The following ZFHX3 variants were observed in gnomAD, a reference collection of about 807,000 sequenced individuals.
The protein encoded by ZFHX3 is zinc finger homeobox protein 3.
Under a neutral mutation model 279.1 loss-of-function variants are expected in ZFHX3, and 42 were observed. That is an observed-to-expected ratio of 0.15 (90% CI 0.12 to 0.19). The LOEUF is 0.19. Among genes scored for constraint, ZFHX3 ranks in the 10% least tolerant of loss-of-function variants. ZFHX3 has a pLI of 1.00. For synonymous variants in ZFHX3, 2,293 were observed against 1,957.8 expected (o/e 1.17, Z -4.52); for missense variants, 4,981 against 4,754.0 (o/e 1.05, Z -1.40).
intron 4 of ZFHX3, among the ~76,000 whole-genome samples, chr16:73,309,906 C>CTTT (rs57812149): frequency 0.27 from 29,842 of 111,924 alleles, 4,739 homozygotes; most frequent in Non-Finnish European, 0.34. Context: ...TTTTTCTTGC[C>CTTT]TTTTTTTTTT....
intron 3 of ZFHX3, among the ~76,000 whole-genome samples, chr16:72,926,257 C>T (rs1414752234): frequency 6.6e-6 from 1 of 152,124 alleles, no homozygotes; most frequent in Non-Finnish European, 1.5e-5. Flanking sequence ...CCATAGTAAC[C>T]AACTAAACAG....
At chr16:73,734,409 A>G (rs922434134) in intron 1 of ZFHX3, among the ~76,000 whole-genome samples, 19 of 152,244 alleles carry the variant, frequency 1.2e-4, no homozygotes, top group Non-Finnish European at 2.2e-4. Flanking sequence ...AAAATATTCA[A>G]AAGAATAATG....
At chr16:73,033,320 C>A (rs1056390010) in intron 1 of ZFHX3, among the ~76,000 whole-genome samples, 1 of 152,148 alleles carries the variant, frequency 6.6e-6, no homozygotes, top group Admixed American at 6.5e-5. Context: ...GGAGAAACTT[C>A]CCCTCCCTTC....
intron 2 of ZFHX3, among the ~76,000 whole-genome samples, chr16:73,581,452 A>G (rs1439583270): frequency 6.6e-6 from 1 of 151,726 alleles, no homozygotes. Flanking sequence ...CAGATTTGTC[A>G]TTTGCAGGAA....
At chr16:72,895,110 A>G (rs1348828768) in intron 3 of ZFHX3, among the ~76,000 whole-genome samples, 2 of 152,206 alleles carry the variant, frequency 1.3e-5, no homozygotes, top group Non-Finnish European at 2.9e-5. Flanking sequence ...CTACAACACG[A>G]GACACTGCAT....
At chr16:72,803,792 G>A (rs1356843194) in intron 7 of ZFHX3, among the ~76,000 whole-genome samples, 1 of 152,218 alleles carries the variant, frequency 6.6e-6, no homozygotes, top group Non-Finnish European at 1.5e-5. Flanking sequence ...GAAGTAATGA[G>A]AAGACAAAAG....
At chr16:73,345,138 A>C (rs2143268336) in intron 3 of ZFHX3, among the ~76,000 whole-genome samples, 1 of 152,296 alleles carries the variant, frequency 6.6e-6, no homozygotes, top group South Asian at 2.1e-4. Flanking sequence ...CCCTGGATTT[A>C]AATCTTTTTA....
At chr16:73,108,380 A>C (rs1165933037) in intron 7 of ZFHX3, among the ~76,000 whole-genome samples, 1 of 151,518 alleles carries the variant, frequency 6.6e-6, no homozygotes, top group Non-Finnish European at 1.5e-5. Context: ...GAGGAGGAGG[A>C]AGACGATGAA....
chr16:73,062,181 A>C (rs1417809774), upstream of ZFHX3: 1 of 152,210 alleles, frequency 6.6e-6, no homozygotes, highest in Non-Finnish European at 1.5e-5. Flanking sequence ...AGACATTTAC[A>C]TTAGGAGGGA....
At chr16:73,355,722 C>A (rs564745509) in intron 3 of ZFHX3, among the ~76,000 whole-genome samples, 1 of 152,216 alleles carries the variant, frequency 6.6e-6, no homozygotes, top group South Asian at 2.1e-4. Flanking sequence ...TTAATATCTG[C>A]GTGACCTTGG....
chr16:72,840,747 T>A (rs911696292), intron 4 of ZFHX3, among the ~76,000 whole-genome samples: 7 of 152,020 alleles, frequency 4.6e-5, no homozygotes, highest in African/African-American at 1.7e-4. Context: ...GAAATATGAG[T>A]TTACTCCCAC....
chr16:72,956,563 C>T (rs1280050391), intron 2 of ZFHX3, among the ~76,000 whole-genome samples: 1 of 152,166 alleles, frequency 6.6e-6, no homozygotes, highest in Non-Finnish European at 1.5e-5. Flanking sequence ...ACTCTTGGTC[C>T]TATTCTAGAT....
intron 5 of ZFHX3, among the ~76,000 whole-genome samples, chr16:73,185,545 T>C (rs1967891018): frequency 6.6e-6 from 1 of 152,112 alleles, no homozygotes; most frequent in Non-Finnish European, 1.5e-5. Context: ...TCCTTTTGTG[T>C]GGAATGGGCA....
At chr16:72,836,688 A>C (rs78971197) in intron 4 of ZFHX3, among the ~76,000 whole-genome samples, 5,100 of 152,166 alleles carry the variant, frequency 0.034, 613 homozygotes, top group East Asian at 0.28. Context: ...TGCCCATTCC[A>C]TCTTCTACTT....
At chr16:73,620,403 G>A (rs2052346830) in intron 2 of ZFHX3, among the ~76,000 whole-genome samples, 1 of 152,212 alleles carries the variant, frequency 6.6e-6, no homozygotes, top group Non-Finnish European at 1.5e-5. Context: ...TTTCCACCAG[G>A]TGGCTGTCAT....
At chr16:73,687,229 A>T (rs974504139) in intron 1 of ZFHX3, among the ~76,000 whole-genome samples, 1 of 150,404 alleles carries the variant, frequency 6.6e-6, no homozygotes, top group Admixed American at 6.6e-5. Context: ...TCTCTAAAAA[A>T]AAAAGTACAA....
At chr16:73,863,399 C>T (rs900905320) in intron 1 of ZFHX3, among the ~76,000 whole-genome samples, 5 of 151,942 alleles carry the variant, frequency 3.3e-5, no homozygotes, top group African/African-American at 7.3e-5. Context: ...AACAGCAGGA[C>T]GCCAAAAGGA....
At chr16:73,324,405 C>T (rs1160222563) in intron 3 of ZFHX3, among the ~76,000 whole-genome samples, 1 of 152,146 alleles carries the variant, frequency 6.6e-6, no homozygotes, top group East Asian at 1.9e-4. Flanking sequence ...TCCTCTACTT[C>T]TAGACACATG....
intron 4 of ZFHX3, among the ~76,000 whole-genome samples, chr16:73,300,253 ACT>A (rs1204967780): frequency 4.1e-5 from 5 of 120,914 alleles, no homozygotes; most frequent in East Asian, 4.6e-4. Context: ...ACAGAGTGAG[ACT>A]CTGTCTCTTA....
Sources: gnomAD v4.1 joint callset for allele counts (sites outside exome capture counted in the v4.1 genomes callset) on GRCh38, gnomAD v4.1.1 for gene constraint, MANE v1.5 for transcripts, NCBI Gene and HGNC (gene_info 2026-07-23, HGNC 2026-07-21) for gene names.